The following ZNF831 variants were observed in gnomAD, a reference collection of about 807,000 sequenced individuals.
ZNF831 encodes zinc finger protein 831, also known as chromosome 20 open reading frame 174.
Under a neutral mutation model 95.8 loss-of-function variants are expected in ZNF831, and 59 were observed. The ratio of observed to expected loss-of-function variants is 0.62; its 90% confidence interval spans 0.50 to 0.77. The LOEUF (loss-of-function observed/expected upper bound fraction) is 0.77. Ranked by LOEUF, ZNF831 falls within the 30% of genes least tolerant of loss-of-function variation. The probability of loss-of-function intolerance (pLI) is 0.00; values close to 1 mark genes in which losing one functional copy is unlikely to be tolerated. For missense variants in ZNF831, 2,205 were observed against 2,164.0 expected (o/e 1.02, Z -0.38); for synonymous variants, 961 against 925.5 (o/e 1.04, Z -0.70).
At chr20:59,240,441 C>T (rs888409908) in intron 4 of ZNF831, among the ~76,000 whole-genome samples, 4 of 152,140 alleles carry the variant, frequency 2.6e-5, no homozygotes, top group Non-Finnish European at 5.9e-5. Context: ...TCTAATAATA[C>T]ATCAATTGCT....
chr20:59,176,280 G>T (rs1208846467), intron 1 of ZNF831, among the ~76,000 whole-genome samples: 1 of 152,202 alleles, frequency 6.6e-6, no homozygotes, highest in Admixed American at 6.5e-5. Context: ...AACTTATAGG[G>T]ACAGAAAACA....
chr20:59,212,359 C>T (rs1985399797), intron 4 of ZNF831, among the ~76,000 whole-genome samples: 5 of 152,136 alleles, frequency 3.3e-5, no homozygotes, highest in Admixed American at 2.0e-4. Context: ...GATTGTACAT[C>T]GATTGGAGTC....
At chr20:59,216,909 A>C (rs1985718438) in intron 4 of ZNF831, among the ~76,000 whole-genome samples, 1 of 152,014 alleles carries the variant, frequency 6.6e-6, no homozygotes, top group Non-Finnish European at 1.5e-5. Context: ...GAGGTGACTG[A>C]TTAGAAGACC....
intron 4 of ZNF831, among the ~76,000 whole-genome samples, chr20:59,207,793 G>C (rs537613302): frequency 1.6e-4 from 24 of 152,344 alleles, no homozygotes; most frequent in African/African-American, 5.8e-4. Context: ...CATCTGGCCA[G>C]CAGTGCCTGA....
intron 1 of ZNF831, among the ~76,000 whole-genome samples, chr20:59,141,202 TTTTTAA>T (rs1236175845): frequency 1.3e-5 from 2 of 152,192 alleles, no homozygotes; most frequent in African/African-American, 4.8e-5. Flanking sequence ...ACCCAGCCAG[TTTTTAA>T]TTTTAATAAA....
chr20:59,164,966 G>A (rs1262818812), intron 1 of ZNF831, among the ~76,000 whole-genome samples: 2 of 152,230 alleles, frequency 1.3e-5, no homozygotes, highest in Non-Finnish European at 2.9e-5. Flanking sequence ...GGGAAAAACA[G>A]AATCAACGTC....
At chr20:59,170,623 G>A (rs1981652851) in intron 1 of ZNF831, among the ~76,000 whole-genome samples, 1 of 152,194 alleles carries the variant, frequency 6.6e-6, no homozygotes, top group South Asian at 2.1e-4. Flanking sequence ...CTAAATGAGA[G>A]AAGCTGATGA....
chr20:59,254,809 G>A lies in ZNF831; in HGVS notation c.*66G>A, dbSNP rs2146775215. On this transcript the variant is annotated 3_prime_UTR_variant, in exon 6 of 6. Coordinates refer to ENST00000371030, the MANE Select transcript of ZNF831 (RefSeq NM_178457.3). This position sits in a 1 kb window ranked among gnomAD's most constrained non-coding sequence, Gnocchi z 4.5. ...GACGCTTCACAAGTAAATGTTGTCA[G>A]GCTGGCGGAAGAACTAAACTCTATC... is the stretch of plus-strand genomic sequence containing the variant. 1.3e-6 allele frequency: 2 copies of A among 1,533,154 alleles called. No homozygotes were observed. Among genetic ancestry groups the A allele is most frequent in the Non-Finnish European group, 1.7e-6 (2 of 1,145,384 alleles). 95.0% of individuals were successfully genotyped at this position (1,533,154 alleles called of 1,614,324 possible). A position where few individuals can be genotyped will look rare whatever the true frequency, so the allele number is the denominator to read the frequency against.
chr20:59,224,806 A>G (rs1986327310), intron 4 of ZNF831, among the ~76,000 whole-genome samples: 1 of 152,270 alleles, frequency 6.6e-6, no homozygotes, highest in African/African-American at 2.4e-5. Flanking sequence ...ATGTATTCTC[A>G]TTCATCTTTG....
intron 1 of ZNF831, among the ~76,000 whole-genome samples, chr20:59,135,600 G>A (rs973057928): frequency 1.1e-4 from 17 of 152,166 alleles, no homozygotes; most frequent in African/African-American, 3.9e-4. Context: ...GCGTGGTGGC[G>A]GGTGCCTGTA....
At chr20:59,228,241 C>T (rs1394816752) in intron 4 of ZNF831, among the ~76,000 whole-genome samples, 3 of 152,134 alleles carry the variant, frequency 2.0e-5, no homozygotes, top group Non-Finnish European at 2.9e-5. Context: ...ATCTCTGAGT[C>T]ACCTAGGTAT....
chr20:59,202,162 G>A (rs1984575835), intron 3 of ZNF831, among the ~76,000 whole-genome samples: 1 of 152,082 alleles, frequency 6.6e-6, no homozygotes, highest in Non-Finnish European at 1.5e-5. Flanking sequence ...CTGGCCTATT[G>A]CAGTGCCTCC....
At chr20:59,174,766 C>A (rs906959709) in intron 1 of ZNF831, among the ~76,000 whole-genome samples, 2 of 151,742 alleles carry the variant, frequency 1.3e-5, no homozygotes, top group African/African-American at 4.9e-5. Context: ...AACAAAAAAA[C>A]ACCCCAAAAC....
At chr20:59,190,954 C>A (rs952964996) in intron 1 of ZNF831, 30 bp from the exon 2 acceptor site, 5 of 1,455,954 alleles carry the variant, frequency 3.4e-6, no homozygotes, top group Non-Finnish European at 4.5e-6. Flanking sequence ...AGGAGAGGTG[C>A]CCATGGTAAA....
intron 4 of ZNF831, among the ~76,000 whole-genome samples, chr20:59,251,108 T>A (rs536717556): frequency 2.0e-5 from 3 of 152,288 alleles, no homozygotes; most frequent in African/African-American, 7.2e-5. Context: ...TTATTAATAA[T>A]CTAATTTAGC....
chr20:59,164,498 G>GT (rs909052307), intron 1 of ZNF831, among the ~76,000 whole-genome samples: 25 of 151,888 alleles, frequency 1.6e-4, no homozygotes, highest in South Asian at 1.0e-3. Context: ...TTTATAAACT[G>GT]TTTTTTTTCC....
At chr20:59,200,469 T>G (rs567384808) in intron 3 of ZNF831, among the ~76,000 whole-genome samples, 1 of 152,340 alleles carries the variant, frequency 6.6e-6, no homozygotes, top group Non-Finnish European at 1.5e-5. Context: ...TAAAGCTTTA[T>G]TAAAGTATAA....
Position 59,192,270 on chromosome 20 carries a change from G to T in ZNF831, c.1251G>T (p.Ala417=), listed in dbSNP as rs751399552. The T allele has an allele frequency of 1.3e-6, 2 of 1,589,806 alleles. No homozygotes were observed. Among genetic ancestry groups the T allele is most frequent in the African/African-American group, 1.3e-5 (1 of 74,216 alleles). The change falls in exon 2 of 6, where the codon GCG becomes GCT. Residue 417 remains alanine, a synonymous_variant. Transcript: ENST00000371030. The surrounding 1 kb of genome is among the most constrained non-coding windows in gnomAD (Gnocchi z 5.2). ...CCCAGCTCATCTCCCACAACCAGGC[G>T]GTGGTGGACGATGCCCAGCTGGACA... is the stretch of plus-strand genomic sequence containing the variant. ...RIAQLISHNQ[A]VVDDAQLDNV...
chr20:59,219,861 G>A (rs578139358), intron 4 of ZNF831, among the ~76,000 whole-genome samples: 3 of 152,256 alleles, frequency 2.0e-5, no homozygotes, highest in East Asian at 3.9e-4. Context: ...TGTCTGTGCC[G>A]ACAGAAGGTG....
Sources: gnomAD v4.1 joint callset for allele counts (sites outside exome capture counted in the v4.1 genomes callset) on GRCh38, gnomAD v4.1.1 for gene constraint, Gnocchi (gnomAD v3.1) non-coding constraint, MANE v1.5 for transcripts, NCBI Gene and HGNC (gene_info 2026-07-23, HGNC 2026-07-21) for gene names.